MRO: variants seen among roughly 807,000 people sequenced by gnomAD.
MRO encodes maestro, also known as protein maestro.
In MRO, 28 loss-of-function variants were observed where a neutral mutation model predicts 31.0. That is an observed-to-expected ratio of 0.90 (90% CI 0.67 to 1.24). MRO has a LOEUF of 1.24. Among genes scored for constraint, MRO ranks in the 50% most tolerant of loss-of-function variants. The probability of loss-of-function intolerance (pLI) is 0.00; values close to 1 mark genes in which losing one functional copy is unlikely to be tolerated. For missense variants in MRO, 332 were observed against 289.2 expected, an observed-to-expected ratio of 1.15 and a Z score of -1.07; for synonymous variants, 108 against 108.4, an observed-to-expected ratio of 1.00 and a Z score of 0.02.
At chr18:50,820,028 C>G, upstream of MRO, 1 of 1,418,106 alleles carries the variant, frequency 7.1e-7, no homozygotes, top group Non-Finnish European at 9.7e-7. Context: ...GGGACCTTTC[C>G]TCTGCACCAA....
intron 5 of MRO, among the ~76,000 whole-genome samples, chr18:50,802,994 T>C (rs1731343819): frequency 6.6e-6 from 1 of 152,042 alleles, no homozygotes; most frequent in South Asian, 2.1e-4. Context: ...ACCCTAATGC[T>C]TTAAGATGTA....
intron 2 of MRO, among the ~76,000 whole-genome samples, chr18:50,810,371 G>T (rs997624895): frequency 1.3e-5 from 2 of 152,194 alleles, no homozygotes; most frequent in Non-Finnish European, 2.9e-5. Context: ...ACGATATACT[G>T]TTGAGTGAAA....
intron 3 of MRO, among the ~76,000 whole-genome samples, chr18:50,809,010 C>A: frequency 6.7e-6 from 1 of 150,212 alleles, no homozygotes; most frequent in East Asian, 2.0e-4. Context: ...TAGTGGCGGG[C>A]GCCTGTAGTC....
chr18:50,824,925 A>C (rs1185805070), upstream of MRO, among the ~76,000 whole-genome samples: 1 of 151,352 alleles, frequency 6.6e-6, no homozygotes, highest in African/African-American at 2.4e-5. Context: ...AAATACAAAA[A>C]TTAGCCAGGT....
chr18:50,809,904 T>G (rs914529809), intron 2 of MRO, among the ~76,000 whole-genome samples: 3 of 152,218 alleles, frequency 2.0e-5, no homozygotes, highest in Non-Finnish European at 4.4e-5. Flanking sequence ...ACACAAAGGA[T>G]AGCCACCATA....
intron 4 of MRO, 151 bp downstream of exon 4, chr18:50,806,553 G>T (rs180981134): frequency 2.2e-6 from 2 of 913,214 alleles, no homozygotes; most frequent in African/African-American, 1.7e-5. Flanking sequence ...TAATCAACAC[G>T]TGTTGCTGTA....
In MRO at chr18:50,801,499, G is replaced by A. The variant is rs557582477; in HGVS notation, c.435C>T (p.Asn145=). Residue 145 remains asparagine (N), a synonymous_variant, in exon 6 of 8, where the codon AAC becomes AAT. Transcript: ENST00000398439. ...CAAAGGCCGAGTATCTCAGACTGTC[G>A]TTCTCCTGCGGTCCCCATCAACAAA... is the stretch of plus-strand genomic sequence containing the variant. ...LQTRTLLDDE[N]DSLRYSAFVL... is the part of the protein sequence containing the mutation. 7.1e-5 allele frequency: 113 copies of A among 1,590,940 alleles called. No individual in the cohort carries two copies. The highest frequency in any genetic ancestry group is 6.3e-4 in the East Asian group (28 of 44,678).
chr18:50,805,107 A>T lies in MRO; in HGVS notation c.429+47T>A, dbSNP rs749972979. The T allele has an allele frequency of 7.5e-5, 113 of 1,514,526 alleles. No homozygotes were observed. In the Middle Eastern group the frequency reaches 1.9e-3, roughly 25 times the overall value. 93.8% of individuals were successfully genotyped at this position (1,514,526 alleles called of 1,614,324 possible). A position where few individuals can be genotyped will look rare whatever the true frequency, so the allele number is the denominator to read the frequency against. Reference sequence around the variant, plus strand: ...CACCCGGCCCCACAGTCATATTTCTAAGCCCATTTTGATTTCAATAACCCA... The same window carrying T: ...CACCCGGCCCCACAGTCATATTTCTTAGCCCATTTTGATTTCAATAACCCA... On this transcript the variant is annotated intron_variant, in intron 5 of 7. Coordinates refer to ENST00000398439, the MANE Select transcript of MRO (RefSeq NM_031939.6).
At chr18:50,817,999 C>A (rs4940023) in intron 2 of MRO, among the ~76,000 whole-genome samples, 2 of 128,238 alleles carry the variant, frequency 1.6e-5, no homozygotes, top group Non-Finnish European at 3.2e-5. Flanking sequence ...CTCCCACCCC[C>A]CGCCCCATGC....
At chr18:50,799,450 G>A (rs1296819748) in intron 7 of MRO, 60 bp from the exon 8 acceptor site, 2 of 1,405,902 alleles carry the variant, frequency 1.4e-6, no homozygotes, top group Non-Finnish European at 2.0e-6. Flanking sequence ...CCTTGACAAT[G>A]TAACTAGTAG....
chr18:50,815,941 C>T (rs1387096279), intron 2 of MRO, among the ~76,000 whole-genome samples: 10 of 151,702 alleles, frequency 6.6e-5, no homozygotes, highest in African/African-American at 2.4e-4. Flanking sequence ...GGCTGAGGCA[C>T]GAGAATCGCT....
Position 50,819,934 on chromosome 18 carries a change from C to T in MRO, c.-164G>A, listed in dbSNP as rs1803187078. 2 of 1,551,728 alleles carry T rather than the reference C, an allele frequency of 1.3e-6. No homozygotes were observed. Among genetic ancestry groups the T allele is most frequent in the Non-Finnish European group, 1.7e-6 (2 of 1,146,990 alleles). On this transcript the variant is annotated 5_prime_UTR_variant, in exon 1 of 8. Transcript: ENST00000398439. The stretch of plus-strand genomic sequence containing the variant: ...ACGCCATGCTGAGGTGTTTTTCCTT[C>T]TCCTTGCTGTGATTTCCCCTCCTTC...
At chr18:50,799,498 G>T in intron 7 of MRO, 108 bp from the exon 8 acceptor site, 1 of 913,752 alleles carries the variant, frequency 1.1e-6, no homozygotes, top group Non-Finnish European at 1.8e-6. Context: ...AAGCAGGAGA[G>T]GTGGAGGCAT....
Position 50,805,205 on chromosome 18 carries a change from C to G in MRO, c.378G>C (p.Leu126Phe). ...GGGTGATATCTATGAAGAAGGAACC[C>G]AAACCTTTCCCCTGGATCTTGCCCA... ...VVLGKIQGKG[L>F]GSFFIDITLQ... Residue 126 changes from leucine to phenylalanine, a missense_variant, in exon 5 of 8, where the codon TTG becomes TTC. Leu to Phe is a conservative substitution (Grantham distance 22). Coordinates refer to ENST00000398439, the MANE Select transcript of MRO (RefSeq NM_031939.6). 6.2e-7 allele frequency: 1 copy of G among 1,613,892 alleles called. No homozygotes were observed. The highest frequency in any genetic ancestry group is 8.5e-7 in the Non-Finnish European group (1 of 1,179,806).
intron 5 of MRO, among the ~76,000 whole-genome samples, chr18:50,803,363 C>T (rs565891668): frequency 2.0e-5 from 3 of 152,086 alleles, no homozygotes; most frequent in African/African-American, 7.2e-5. Context: ...GAAAATTAGC[C>T]AGGCACAGTG....
upstream of MRO, among the ~76,000 whole-genome samples, chr18:50,824,873 A>C (rs1219448369): frequency 4.6e-5 from 7 of 151,148 alleles, no homozygotes; most frequent in East Asian, 1.4e-3. Context: ...TCAGGAGTTC[A>C]AGACCAGCCT....
intron 2 of MRO, among the ~76,000 whole-genome samples, chr18:50,810,222 T>C (rs945830794): frequency 6.6e-6 from 1 of 152,250 alleles, no homozygotes. Context: ...GTTGGGATTA[T>C]AGGCTTGAGC....
chr18:50,807,129 T>C (rs1239870253), intron 3 of MRO, among the ~76,000 whole-genome samples: 1 of 152,092 alleles, frequency 6.6e-6, no homozygotes, highest in African/African-American at 2.4e-5. Context: ...ATGGGTGTGA[T>C]AGAAGTTGAA....
chr18:50,802,686 T>A (rs576894759), intron 5 of MRO, among the ~76,000 whole-genome samples: 12 of 152,092 alleles, frequency 7.9e-5, no homozygotes, highest in Non-Finnish European at 1.5e-4. Context: ...ACATGATGCA[T>A]ACAGAAATTG....
Sources: allele counts gnomAD v4.1 joint callset (sites outside exome capture counted in the v4.1 genomes callset), GRCh38; gene constraint gnomAD v4.1.1; transcripts MANE v1.5; gene names NCBI Gene and HGNC (gene_info 2026-07-23, HGNC 2026-07-21).